Variants in ABHD6 observed in about 807,000 individuals in gnomAD.
ABHD6 encodes the protein monoacylglycerol lipase ABHD6.
A neutral mutation model predicts 38.8 loss-of-function variants in ABHD6; 33 were observed. The observed-to-expected ratio is 0.85, with a 90% confidence interval of 0.64 to 1.14. ABHD6 has a LOEUF of 1.14. Among genes scored for constraint, ABHD6 ranks in the 50% most tolerant of loss-of-function variants. ABHD6 has a pLI of 0.00. For synonymous variants in ABHD6, 147 were observed against 161.6 expected, an observed-to-expected ratio of 0.91 and a Z score of 0.69; for missense variants, 380 against 422.6, an observed-to-expected ratio of 0.90 and a Z score of 0.88.
At chr3:58,254,231 GGATGAAACAC>G (rs776795065) in intron 2 of ABHD6, among the ~76,000 whole-genome samples, 1 of 152,180 alleles carries the variant, frequency 6.6e-6, no homozygotes, top group Non-Finnish European at 1.5e-5. Flanking sequence ...CTATAAAACA[GGATGAAACAC>G]TTGCCTTTCC....
intron 2 of ABHD6, among the ~76,000 whole-genome samples, chr3:58,255,470 T>A (rs2097432613): frequency 6.6e-6 from 1 of 150,856 alleles, no homozygotes; most frequent in South Asian, 2.1e-4. Context: ...GTCTTTTTTT[T>A]TTTTTTTTTT....
chr3:58,293,078 G>A lies in ABHD6; in HGVS notation c.838-511G>A, dbSNP rs1475750522. Among the ~76,000 whole-genome samples, 3 of 152,006 alleles carry A rather than the reference G, an allele frequency of 2.0e-5. No homozygotes were observed. Among genetic ancestry groups the A allele is most frequent in the Admixed American group, 6.5e-5 (1 of 15,278 alleles). On this transcript the variant is annotated intron_variant, in intron 9 of 9. Transcript: ENST00000478253. This position sits in a 1 kb window ranked among gnomAD's most constrained non-coding sequence, Gnocchi z 4.4. ...TGGTCCGTGTGGCTGTAGGAGCAGC[G>A]CCCTCCTCTCTGCCCCTTCTCCCCA...
Position 58,293,812 on chromosome 3 carries a change from C to T in ABHD6, c.*47C>T, listed in dbSNP as rs746092031. 6 of 1,588,526 alleles carry T rather than the reference C, an allele frequency of 3.8e-6. No individual in the cohort carries two copies. The highest frequency in any genetic ancestry group is 5.2e-6 in the Non-Finnish European group (6 of 1,163,866). On this transcript the variant is annotated 3_prime_UTR_variant, in exon 10 of 10. Coordinates refer to ENST00000478253, the MANE Select transcript of ABHD6 (RefSeq NM_001320126.2). The surrounding 1 kb of genome is among the most constrained non-coding windows in gnomAD (Gnocchi z 4.4). ...TCTGCACACAGCATCTGCTCCCATC[C>T]CCCAAGTCTGACGCAGCCACCACTC...
chr3:58,291,550 C>T (rs577772273), intron 9 of ABHD6, among the ~76,000 whole-genome samples: 1 of 152,284 alleles, frequency 6.6e-6, no homozygotes, highest in South Asian at 2.1e-4. Context: ...TGAGCCACCA[C>T]ACCCAGCCCA....
chr3:58,278,432 G>T (rs2097450453), intron 7 of ABHD6, among the ~76,000 whole-genome samples: 1 of 152,030 alleles, frequency 6.6e-6, no homozygotes, highest in African/African-American at 2.4e-5. Flanking sequence ...TATTTCTGTG[G>T]GATTGGTGGT....
At chr3:58,258,248 G>A (rs977439696) in intron 3 of ABHD6, among the ~76,000 whole-genome samples, 9 of 152,012 alleles carry the variant, frequency 5.9e-5, no homozygotes, top group Admixed American at 5.9e-4. Flanking sequence ...TGGAGGTTGC[G>A]GTGAGCTGAG....
rs895067857 is a variant in ABHD6 at position 58,257,931 on chromosome 3, T to TA, written c.119+1233dup. ...TTTCCTTTAGAGTGAGCCATCTTTT[T>TA]AAAAAAATCCTTAAATCAAGTATTT... On this transcript the variant is annotated intron_variant, in intron 3 of 9. Transcript: ENST00000478253. This position sits in a 1 kb window ranked among gnomAD's most constrained non-coding sequence, Gnocchi z 4.8. Among the ~76,000 whole-genome samples the TA allele has an allele frequency of 1.8e-4, 27 of 152,140 alleles. No homozygotes were observed. The highest frequency in any genetic ancestry group is 3.5e-4 in the Non-Finnish European group (24 of 68,028).
rs2097438857 is a variant in ABHD6 at position 58,263,864 on chromosome 3, A to G, written c.120-3325A>G. Among the ~76,000 whole-genome samples, 1 of 152,218 alleles carries G rather than the reference A, an allele frequency of 6.6e-6. No individual in the cohort carries two copies. The highest frequency in any genetic ancestry group is 1.5e-5 in the Non-Finnish European group (1 of 68,038). On this transcript the variant is annotated intron_variant, in intron 3 of 9. Coordinates refer to ENST00000478253, the MANE Select transcript of ABHD6 (RefSeq NM_001320126.2). The surrounding 1 kb of genome is among the most constrained non-coding windows in gnomAD (Gnocchi z 4.9). ...AATAATTTAAAAATAAAAAGGTAAC[A>G]CAAAGAAAATGTAAATTACCCATAA...
intron 1 of ABHD6, among the ~76,000 whole-genome samples, chr3:58,248,740 T>C (rs974882333): frequency 2.6e-5 from 4 of 152,198 alleles, no homozygotes; most frequent in African/African-American, 7.2e-5. Context: ...GTCAAGGATA[T>C]GTGCATTTTA....
At position 58,271,071 on chromosome 3, in the gene ABHD6, T is replaced by C. The variant is rs1466808637; in HGVS notation, c.523+7T>C. 1 of 1,589,816 alleles carries C rather than the reference T, an allele frequency of 6.3e-7. No homozygotes were observed. The highest frequency in any genetic ancestry group is 8.5e-7 in the Non-Finnish European group (1 of 1,171,606). ...TGTCTCGTGTGTCCTGCTGGTAAGT[T>C]ATGAAGCTGAAACATCCCTCGGCAG... On this transcript the variant is annotated splice_region_variant and intron_variant, in intron 6 of 9. Coordinates refer to ENST00000478253, the MANE Select transcript of ABHD6 (RefSeq NM_001320126.2).
Position 58,287,820 on chromosome 3 carries a change from A to G in ABHD6, c.837+2367A>G, listed in dbSNP as rs183991909. 2.4e-3 allele frequency among the ~76,000 whole-genome samples: 369 copies of G among 152,348 alleles called. 1 individual carries two copies. Among genetic ancestry groups the G allele is most frequent in the Non-Finnish European group, 3.7e-3 (252 of 68,026 alleles). On this transcript the variant is annotated intron_variant, in intron 9 of 9. Coordinates refer to ENST00000478253, the MANE Select transcript of ABHD6 (RefSeq NM_001320126.2). The surrounding 1 kb of genome is among the most constrained non-coding windows in gnomAD (Gnocchi z 4.7). ...ACTTTTGTCCTTGGTCAGCCCATGC[A>G]TGACCTTGAGCAAGTAACTCAGCCC...
In ABHD6 at chr3:58,245,702, C is replaced by T. The variant is rs926303897; in HGVS notation, c.-90-4176C>T. ...GACTGAGGCACAAGAATTGCTTGAACCCCAGAGGCAGAGGTTGCAGTGAAC... is the reference window on the plus strand; with the variant it reads ...GACTGAGGCACAAGAATTGCTTGAATCCCAGAGGCAGAGGTTGCAGTGAAC... On this transcript the variant is annotated intron_variant, in intron 1 of 9. Coordinates refer to ENST00000478253, the MANE Select transcript of ABHD6 (RefSeq NM_001320126.2). 4.0e-4 allele frequency among the ~76,000 whole-genome samples: 61 copies of T among 152,064 alleles called. 1 individual carries two copies. The highest frequency in any genetic ancestry group is 1.1e-3 in the African/African-American group (46 of 41,402).
chr3:58,254,596 C>A (rs1444374884), intron 2 of ABHD6, among the ~76,000 whole-genome samples: 1 of 152,032 alleles, frequency 6.6e-6, no homozygotes, highest in African/African-American at 2.4e-5. Flanking sequence ...CTCCATTTCC[C>A]AGGAAATGTA....
intron 1 of ABHD6, among the ~76,000 whole-genome samples, chr3:58,245,606 C>G (rs961005661): frequency 1.3e-5 from 2 of 152,084 alleles, no homozygotes; most frequent in Non-Finnish European, 2.9e-5. Context: ...TGGCAAAACC[C>G]TGTCTCTACT....
At chr3:58,248,014 C>A (rs1034382680) in intron 1 of ABHD6, among the ~76,000 whole-genome samples, 1 of 152,206 alleles carries the variant, frequency 6.6e-6, no homozygotes, top group African/African-American at 2.4e-5. Context: ...TGGCCAATTT[C>A]TTTTGTGTCC....
chr3:58,270,813 CT>C, intron 5 of ABHD6, 118 bp from the exon 6 acceptor site: 2 of 1,185,596 alleles, frequency 1.7e-6, no homozygotes, highest in Non-Finnish European at 2.3e-6. Context: ...GTTTCAGACT[CT>C]TTAAACAGTA....
At position 58,265,354 on chromosome 3, in the gene ABHD6, A is replaced by C. The variant is rs1209631664; in HGVS notation, c.120-1835A>C. The stretch of plus-strand genomic sequence containing the variant: ...TTAGGGTTTTAGCATGGTTGAGATC[A>C]ATTTGTAAGCTTTTTATTTATTAAG... On this transcript the variant is annotated intron_variant, in intron 3 of 9. Coordinates refer to ENST00000478253, the MANE Select transcript of ABHD6 (RefSeq NM_001320126.2). The surrounding 1 kb of genome is among the most constrained non-coding windows in gnomAD (Gnocchi z 4.2). 1.3e-5 allele frequency among the ~76,000 whole-genome samples: 2 copies of C among 152,186 alleles called. No homozygotes were observed. The highest frequency in any genetic ancestry group is 4.8e-5 in the African/African-American group (2 of 41,450).
intron 7 of ABHD6, among the ~76,000 whole-genome samples, chr3:58,277,969 C>G (rs1342727240): frequency 6.6e-6 from 1 of 152,160 alleles, no homozygotes; most frequent in African/African-American, 2.4e-5. Context: ...CCGACTTGAT[C>G]GTGGTGGATA....
rs2097438863 is a variant in ABHD6, at chr3:58,263,878, A to AATTACCC, written c.120-3308_120-3302dup. Among the ~76,000 whole-genome samples, 1 of 152,198 alleles carries AATTACCC rather than the reference A, an allele frequency of 6.6e-6. No homozygotes were observed. On this transcript the variant is annotated intron_variant, in intron 3 of 9. Coordinates refer to ENST00000478253, the MANE Select transcript of ABHD6 (RefSeq NM_001320126.2). This position sits in a 1 kb window ranked among gnomAD's most constrained non-coding sequence, Gnocchi z 4.9. ...AAAAAGGTAACACAAAGAAAATGTAAATTACCCATAACCCCTGGAATAATT... is the reference window on the plus strand; with the variant it reads ...AAAAAGGTAACACAAAGAAAATGTAAATTACCCATTACCCATAACCCCTGGAATAATT...
Sources: gnomAD v4.1 joint callset for allele counts (sites outside exome capture counted in the v4.1 genomes callset) on GRCh38, gnomAD v4.1.1 for gene constraint, Gnocchi (gnomAD v3.1) non-coding constraint, MANE v1.5 for transcripts, NCBI Gene and HGNC (gene_info 2026-07-23, HGNC 2026-07-21) for gene names.